The following SMCO3 variants were observed in gnomAD, a reference collection of about 807,000 sequenced individuals.
SMCO3 encodes single-pass membrane protein with coiled-coil domains 3.
In SMCO3, 6 loss-of-function variants were observed where a neutral mutation model predicts 12.0. The observed-to-expected ratio is 0.50, with a 90% CI of 0.27 to 0.99. SMCO3 has a LOEUF of 0.99. Among genes scored for constraint, SMCO3 ranks in the 50% least tolerant of loss-of-function variants. The pLI is 0.11. For missense variants in SMCO3, 279 were observed against 265.0 expected (o/e 1.05, Z -0.37); for synonymous variants, 96 against 96.4 (o/e 1.00, Z 0.02).
intron 1 of SMCO3, among the ~76,000 whole-genome samples, chr12:14,807,013 G>A (rs1950062629): frequency 6.6e-6 from 1 of 152,126 alleles, no homozygotes; most frequent in South Asian, 2.1e-4. Flanking sequence ...TTGTATTTTA[G>A]TAGAGACAGG....
intron 1 of SMCO3, among the ~76,000 whole-genome samples, chr12:14,812,469 A>G (rs1313240866): frequency 6.6e-6 from 1 of 152,084 alleles, no homozygotes; most frequent in East Asian, 1.9e-4. Context: ...TTTATTGGTT[A>G]CGTATACTAT....
At chr12:14,807,614 A>T (rs1370680266) in intron 1 of SMCO3, among the ~76,000 whole-genome samples, 1 of 152,228 alleles carries the variant, frequency 6.6e-6, no homozygotes, top group Non-Finnish European at 1.5e-5. Flanking sequence ...GGCAACATGT[A>T]TATCATGCTA....
intron 1 of SMCO3, among the ~76,000 whole-genome samples, chr12:14,809,506 TTAA>T (rs1248052119): frequency 3.3e-5 from 5 of 152,128 alleles, no homozygotes; most frequent in Non-Finnish European, 7.4e-5. Context: ...TTCTATCTGT[TTAA>T]TAATAATAAA....
chr12:14,811,374 C>T (rs1950133523), intron 1 of SMCO3, among the ~76,000 whole-genome samples: 1 of 152,170 alleles, frequency 6.6e-6, no homozygotes, highest in Non-Finnish European at 1.5e-5. Flanking sequence ...TTCTCTTGCT[C>T]TACACATTTG....
chr12:14,807,939 G>T (rs1950078891), intron 1 of SMCO3, among the ~76,000 whole-genome samples: 1 of 152,184 alleles, frequency 6.6e-6, no homozygotes, highest in Non-Finnish European at 1.5e-5. Flanking sequence ...GCCCAGGCAG[G>T]TGAATAACTT....
At position 14,806,400 on chromosome 12, in the gene SMCO3, G is replaced by A. The variant is rs1268222189; in HGVS notation, c.281C>T (p.Thr94Ile). The A allele has an allele frequency of 6.2e-6, 10 of 1,614,138 alleles. No homozygotes were observed. The highest frequency in any genetic ancestry group is 7.6e-6 in the Non-Finnish European group (9 of 1,180,030). ...AATATCCTGAAGTTTTCTATAGAGG[G>A]TTGGCTCTAGCTTATCTTTTAGTGC... Reference protein sequence around the residue: ...DEALKDKLEPTLYRKLQDIKE... With the variant: ...DEALKDKLEPILYRKLQDIKE... The change falls in exon 2 of 2, where the codon ACC becomes ATC. Residue 94 changes from threonine to isoleucine, a missense_variant. By Grantham distance (89) the Thr-to-Ile change is moderately conservative. Transcript: ENST00000316048.
At chr12:14,813,619 G>C (rs1356977035) in intron 1 of SMCO3, among the ~76,000 whole-genome samples, 1 of 152,286 alleles carries the variant, frequency 6.6e-6, no homozygotes, top group East Asian at 1.9e-4. Flanking sequence ...CCCTCAAGAC[G>C]ATAACAGCCT....
rs1284347505 is a variant in SMCO3, at chr12:14,806,056, AT to A, written c.624del (p.Lys208AsnfsTer13). 11 of 1,614,152 alleles carry A rather than the reference AT, an allele frequency of 6.8e-6. No homozygotes were observed. Among genetic ancestry groups the A allele is most frequent in the Non-Finnish European group, 5.9e-6 (7 of 1,180,028 alleles). ...ATGACCTCAGTAATGGCATGATTAT[AT>A]TTTTCTGAGGCTGATTTGAACTCCA... ...HLVEFKSASE[K>X]YNHAITEVIN... On this transcript the variant is annotated frameshift_variant, in exon 2 of 2. Coordinates refer to ENST00000316048, the MANE Select transcript of SMCO3 (RefSeq NM_001013698.2). LOFTEE classifies it high-confidence loss of function.
rs1950040982 is a variant in SMCO3 at position 14,805,950 on chromosome 12, CTG to C, written c.*51_*52del. ...ATGAACCTAATCAAAGAAGCAAACA[CTG>C]TTACTGAAAAGGAAGCAGAAAAACA... On this transcript the variant is annotated 3_prime_UTR_variant, in exon 2 of 2. Transcript: ENST00000316048. The C allele has an allele frequency of 6.6e-7, 1 of 1,505,038 alleles. No homozygotes were observed. The highest frequency in any genetic ancestry group is 9.0e-7 in the Non-Finnish European group (1 of 1,112,340). 93.2% of individuals were successfully genotyped at this position (1,505,038 alleles called of 1,614,324 possible). A position where few individuals can be genotyped will look rare whatever the true frequency, so the allele number is the denominator to read the frequency against.
intron 1 of SMCO3, among the ~76,000 whole-genome samples, chr12:14,806,956 C>T (rs1316689745): frequency 1.3e-5 from 2 of 152,092 alleles, no homozygotes; most frequent in South Asian, 2.1e-4. Context: ...CTCAGCCTCC[C>T]GAGTAGCTGG....
At chr12:14,813,719 A>G (rs367942286) in intron 1 of SMCO3, among the ~76,000 whole-genome samples, 1 of 152,218 alleles carries the variant, frequency 6.6e-6, no homozygotes, top group Non-Finnish European at 1.5e-5. Context: ...CCAGTATTAG[A>G]TTCCACATTC....
rs772254777 is a variant in SMCO3, at chr12:14,806,218, T to C, written c.463A>G (p.Ile155Val). ...ATACTACCAAGGAGAGAAGCACCAA[T>C]TTGAGCTAACACAGTGACCAACTTG... ...INKLVTVLAQ[I>V]GASLLGSIGV... Residue 155 changes from isoleucine to valine, a missense_variant, in exon 2 of 2, where the codon ATT becomes GTT. Coordinates refer to ENST00000316048, the MANE Select transcript of SMCO3 (RefSeq NM_001013698.2). 6.2e-7 allele frequency: 1 copy of C among 1,614,158 alleles called. No homozygotes were observed. Among genetic ancestry groups the C allele is most frequent in the Non-Finnish European group, 8.5e-7 (1 of 1,180,044 alleles).
intron 1 of SMCO3, among the ~76,000 whole-genome samples, chr12:14,809,329 A>C (rs996808366): frequency 1.3e-5 from 2 of 152,200 alleles, no homozygotes; most frequent in African/African-American, 4.8e-5. Flanking sequence ...TTAATCGTAA[A>C]ATGTATCTGA....
At chr12:14,812,781 G>T (rs1467070656) in intron 1 of SMCO3, among the ~76,000 whole-genome samples, 1 of 151,862 alleles carries the variant, frequency 6.6e-6, no homozygotes, top group Non-Finnish European at 1.5e-5. Flanking sequence ...TTAGATTCAG[G>T]AGGTACATAC....
At chr12:14,812,078 T>G (rs1366825811) in intron 1 of SMCO3, among the ~76,000 whole-genome samples, 1 of 152,250 alleles carries the variant, frequency 6.6e-6, no homozygotes, top group Non-Finnish European at 1.5e-5. Flanking sequence ...CATAAGTATC[T>G]TCACAAAGTT....
At position 14,805,882 on chromosome 12, in the gene SMCO3, A is replaced by T. The variant is rs1431551638; in HGVS notation, c.*121T>A. ...TTGGCATCTCCAGTTTCCCTCTCCA[A>T]ATTGTTTATCTTATTTAAGTCCATA... On this transcript the variant is annotated 3_prime_UTR_variant, in exon 2 of 2. Transcript: ENST00000316048. 1 of 1,035,928 alleles carries T rather than the reference A, an allele frequency of 9.7e-7. No homozygotes were observed. Among genetic ancestry groups the T allele is most frequent in the Non-Finnish European group, 1.4e-6 (1 of 715,290 alleles). 64.2% of individuals were successfully genotyped at this position (1,035,928 alleles called of 1,614,324 possible). A position where few individuals can be genotyped will look rare whatever the true frequency, so the allele number is the denominator to read the frequency against.
At position 14,810,910 on chromosome 12, in the gene SMCO3, G is replaced by A. The variant is rs563044084; in HGVS notation, c.-17+3216C>T. Among the ~76,000 whole-genome samples, 17 of 152,212 alleles carry A rather than the reference G, an allele frequency of 1.1e-4. No homozygotes were observed. In the South Asian group the frequency reaches 3.3e-3, roughly 30 times the overall value. On this transcript the variant is annotated intron_variant, in intron 1 of 1. Transcript: ENST00000316048. ...TTTGGAGTCACCCTTCTTAAAGATC[G>A]TAGTTGTTACTCAGGCAAGCTTCAA...
chr12:14,804,982 G>A lies in SMCO3; in HGVS notation c.*1021C>T, dbSNP rs1950025920. Reference sequence around the variant, plus strand: ...TCATGGGAATTATTGGTTGGCAAAGGATTTAGAAAACAAACACATCTGCAG... The same window carrying A: ...TCATGGGAATTATTGGTTGGCAAAGAATTTAGAAAACAAACACATCTGCAG... On this transcript the variant is annotated 3_prime_UTR_variant, in exon 2 of 2. Transcript: ENST00000316048. 6.6e-6 allele frequency: 1 copy of A among 152,154 alleles called. No individual in the cohort carries two copies. The highest frequency in any genetic ancestry group is 1.5e-5 in the Non-Finnish European group (1 of 68,024). 9.4% of individuals were successfully genotyped at this position (152,154 alleles called of 1,614,324 possible).
At chr12:14,809,076 G>A (rs901156912) in intron 1 of SMCO3, among the ~76,000 whole-genome samples, 1 of 152,106 alleles carries the variant, frequency 6.6e-6, no homozygotes, top group African/African-American at 2.4e-5. Context: ...GAGAAAATTA[G>A]CTATATTCCT....
Sources: allele counts gnomAD v4.1 joint callset (sites outside exome capture counted in the v4.1 genomes callset), GRCh38; gene constraint gnomAD v4.1.1; transcripts MANE v1.5; gene names NCBI Gene and HGNC (gene_info 2026-07-23, HGNC 2026-07-21).